Variants in UNC5D observed in about 807,000 individuals in gnomAD.
UNC5D encodes the protein unc-5 netrin receptor D.
UNC5D carries 39 observed loss-of-function variants against 105.4 expected under a neutral mutation model. That is an observed-to-expected ratio of 0.37 (90% CI 0.29 to 0.48). The LOEUF (loss-of-function observed/expected upper bound fraction) is 0.48. Ranked by LOEUF, UNC5D falls within the 20% of genes least tolerant of loss-of-function variation. The pLI is 0.98. For synonymous variants in UNC5D, 452 were observed against 450.4 expected (o/e 1.00, Z -0.04); for missense variants, 991 against 1,202.4 (o/e 0.82, Z 2.60).
intron 4 of UNC5D, among the ~76,000 whole-genome samples, chr8:35,660,674 G>T (rs549616062): frequency 4.1e-4 from 62 of 152,290 alleles, no homozygotes; most frequent in African/African-American, 1.4e-3. Flanking sequence ...AATCCATCTA[G>T]ATAAAATAAT....
intron 16 of UNC5D, among the ~76,000 whole-genome samples, chr8:35,782,735 C>G (rs545850353): frequency 5.5e-4 from 84 of 152,182 alleles, no homozygotes; most frequent in Middle Eastern, 3.4e-3. Flanking sequence ...GAACTCCTGA[C>G]CTCATGATCC....
At chr8:35,338,959 G>T (rs1811256872) in intron 1 of UNC5D, among the ~76,000 whole-genome samples, 1 of 151,962 alleles carries the variant, frequency 6.6e-6, no homozygotes, top group South Asian at 2.1e-4. Flanking sequence ...CTCATTTAGG[G>T]CATTGTAGTG....
chr8:35,527,541 CTCCTGTTTT>C (rs1813963613), intron 1 of UNC5D, among the ~76,000 whole-genome samples: 1 of 151,954 alleles, frequency 6.6e-6, no homozygotes, highest in African/African-American at 2.4e-5. Flanking sequence ...TCTCCTGTTT[CTCCTGTTTT>C]CTTTTTTTTT....
intron 4 of UNC5D, among the ~76,000 whole-genome samples, chr8:35,653,787 T>C (rs1378582713): frequency 6.6e-6 from 1 of 152,244 alleles, no homozygotes; most frequent in Non-Finnish European, 1.5e-5. Context: ...TTTTAATAGA[T>C]GAATTTTAAT....
chr8:35,271,668 GGTATACATATATATGTATACAT>G (rs1563267898), intron 1 of UNC5D, among the ~76,000 whole-genome samples: 1 of 55,902 alleles, frequency 1.8e-5, no homozygotes, highest in African/African-American at 6.4e-5. Context: ...TATTTATACA[GGTATACATATATATGTATACAT>G]GTATACATGT....
chr8:35,327,979 G>A (rs1251444030), intron 1 of UNC5D, among the ~76,000 whole-genome samples: 1 of 152,214 alleles, frequency 6.6e-6, no homozygotes, highest in African/African-American at 2.4e-5. Context: ...TGGCCCATGT[G>A]ATTGGGAAAG....
At chr8:35,371,579 A>G (rs1802430982) in intron 1 of UNC5D, among the ~76,000 whole-genome samples, 1 of 151,896 alleles carries the variant, frequency 6.6e-6, no homozygotes, top group Non-Finnish European at 1.5e-5. Flanking sequence ...CTGAGGACCT[A>G]TTTTTTTCCT....
intron 1 of UNC5D, among the ~76,000 whole-genome samples, chr8:35,459,968 G>A (rs529400220): frequency 1.1e-4 from 16 of 152,224 alleles, no homozygotes; most frequent in East Asian, 7.7e-4. Context: ...TAACCTTGCC[G>A]GATTCGGCTC....
At chr8:35,601,814 T>C (rs1018552108) in intron 4 of UNC5D, among the ~76,000 whole-genome samples, 1 of 152,196 alleles carries the variant, frequency 6.6e-6, no homozygotes, top group Non-Finnish European at 1.5e-5. Flanking sequence ...CTGATTGCCC[T>C]GGCCAGAACT....
intron 1 of UNC5D, among the ~76,000 whole-genome samples, chr8:35,398,974 G>A (rs1013175732): frequency 2.0e-5 from 3 of 151,616 alleles, no homozygotes; most frequent in Admixed American, 6.6e-5. Context: ...TGGGCAACAC[G>A]GTGAAACCCC....
intron 1 of UNC5D, among the ~76,000 whole-genome samples, chr8:35,287,554 G>A (rs751397810): frequency 2.1e-5 from 1 of 47,902 alleles, no homozygotes; most frequent in Non-Finnish European, 5.4e-5. Flanking sequence ...CAGTACTTTG[G>A]GGGGCTGAGG....
At chr8:35,615,484 G>A (rs144814961) in intron 4 of UNC5D, among the ~76,000 whole-genome samples, 121 of 152,056 alleles carry the variant, frequency 8.0e-4, no homozygotes, top group African/African-American at 2.7e-3. Context: ...CCCAGGTGAC[G>A]CTGATCTCTC....
chr8:35,781,194 G>A (rs1262288847), intron 16 of UNC5D, among the ~76,000 whole-genome samples: 2 of 152,122 alleles, frequency 1.3e-5, no homozygotes, highest in African/African-American at 4.8e-5. Context: ...AGAGGTTTGG[G>A]CTTCATTTTG....
intron 1 of UNC5D, among the ~76,000 whole-genome samples, chr8:35,353,843 A>G (rs992083324): frequency 5.3e-5 from 8 of 152,176 alleles, no homozygotes; most frequent in Non-Finnish European, 7.4e-5. Context: ...TTATAAAATG[A>G]GCATATAATT....
At position 35,719,141 on chromosome 8, in the gene UNC5D, TACACACACACACACACACAC is replaced by T. The variant is rs57660135; in HGVS notation, c.1118-3042_1118-3023del. Among the ~76,000 whole-genome samples the T allele has an allele frequency of 2.5e-3, 328 of 133,172 alleles. 1 individual carries two copies. Among genetic ancestry groups the T allele is most frequent in the African/African-American group, 7.9e-3 (291 of 36,722 alleles). 87.4% of individuals were successfully genotyped at this position (133,172 alleles called of 152,430 possible). ...CACTGCTTACATGCACATGTGCTTA[TACACACACACACACACACAC>T]ACACACACACACACACACACACACA... On this transcript the variant is annotated intron_variant, in intron 8 of 16. Transcript: ENST00000404895.
intron 2 of UNC5D, among the ~76,000 whole-genome samples, chr8:35,567,167 C>G (rs1207239840): frequency 2.6e-5 from 4 of 152,122 alleles, no homozygotes; most frequent in African/African-American, 7.2e-5. Flanking sequence ...ATAAAAACCC[C>G]CCTTTCTTCA....
chr8:35,442,682 C>A (rs1177644554), intron 1 of UNC5D, among the ~76,000 whole-genome samples: 1 of 151,830 alleles, frequency 6.6e-6, no homozygotes, highest in African/African-American at 2.4e-5. Context: ...CAATGAAAAT[C>A]CATACGAAAA....
chr8:35,606,973 G>C (rs777386087), intron 4 of UNC5D, among the ~76,000 whole-genome samples: 1 of 152,188 alleles, frequency 6.6e-6, no homozygotes, highest in Admixed American at 6.5e-5. Flanking sequence ...CTGAACTCTG[G>C]TGAATGCTTG....
chr8:35,408,781 A>C (rs1419573884), intron 1 of UNC5D, among the ~76,000 whole-genome samples: 1 of 151,952 alleles, frequency 6.6e-6, no homozygotes, highest in Non-Finnish European at 1.5e-5. Flanking sequence ...AAAAACTACT[A>C]CCAATCACAA....
Sources: gnomAD v4.1 joint callset for allele counts (sites outside exome capture counted in the v4.1 genomes callset) on GRCh38, gnomAD v4.1.1 for gene constraint, MANE v1.5 for transcripts, NCBI Gene and HGNC (gene_info 2026-07-23, HGNC 2026-07-21) for gene names.